Variants in HMCN1 observed in about 807,000 individuals in gnomAD.
The protein encoded by HMCN1 is hemicentin-1.
A neutral mutation model predicts 625.9 loss-of-function variants in HMCN1; 321 were observed. The observed-to-expected ratio is 0.51, with a 90% CI of 0.47 to 0.56. HMCN1 has a LOEUF of 0.56. Ranked by LOEUF, HMCN1 falls within the 20% of genes least tolerant of loss-of-function variation. The probability of loss-of-function intolerance (pLI) is 0.00; values close to 1 mark genes in which losing one functional copy is unlikely to be tolerated. For synonymous variants in HMCN1, 2,425 were observed against 2,417.6 expected, an observed-to-expected ratio of 1.00 and a Z score of -0.09; for missense variants, 6,588 against 6,887.3, an observed-to-expected ratio of 0.96 and a Z score of 1.54.
intron 93 of HMCN1, among the ~76,000 whole-genome samples, chr1:186,150,930 C>CTGAT (rs1175508873): frequency 1.3e-5 from 2 of 151,898 alleles, no homozygotes; most frequent in Non-Finnish European, 2.9e-5. Context: ...GGACTGGACA[C>CTGAT]TGATTGTATT....
At chr1:186,022,998 A>G (rs770789040) in intron 35 of HMCN1, 32 bp from the exon 36 acceptor site, 2 of 1,609,846 alleles carry the variant, frequency 1.2e-6, no homozygotes, top group Non-Finnish European at 1.7e-6. Context: ...TATAAGATAC[A>G]AAAATCCTCT....
intron 36 of HMCN1, among the ~76,000 whole-genome samples, chr1:186,035,069 T>C (rs1014966152): frequency 6.6e-6 from 1 of 152,204 alleles, no homozygotes; most frequent in Non-Finnish European, 1.5e-5. Context: ...AAAGCTGTTT[T>C]GTAGGAATGT....
At chr1:186,092,258 A>ATG (rs1223636761) in intron 64 of HMCN1, among the ~76,000 whole-genome samples, 1 of 151,896 alleles carries the variant, frequency 6.6e-6, no homozygotes, top group African/African-American at 2.4e-5. Flanking sequence ...TCCAAAGTCA[A>ATG]TGTACTACCT....
intron 1 of HMCN1, among the ~76,000 whole-genome samples, chr1:185,784,768 G>A (rs955057265): frequency 6.6e-6 from 1 of 151,964 alleles, no homozygotes; most frequent in Non-Finnish European, 1.5e-5. Flanking sequence ...ACTAATCATG[G>A]TATCAATTAC....
chr1:186,087,520 G>A lies in HMCN1; in HGVS notation c.9238G>A (p.Glu3080Lys), dbSNP rs763388392. The change falls in exon 60 of 107, where the codon GAG becomes AAG. Residue 3080 changes from glutamate (E) to lysine (K), a missense_variant. Glu to Lys is a moderately conservative substitution (Grantham distance 56, BLOSUM62 1). Coordinates refer to ENST00000271588, the MANE Select transcript of HMCN1 (RefSeq NM_031935.3). ...NVREGTSVSL[E>K]CESNAVPPPV... ...AAGAGAGGGAACTTCTGTGTCTTTGGAGTGTGAGTCGAACGCTGTGCCACC... is the reference window on the plus strand; with the variant it reads ...AAGAGAGGGAACTTCTGTGTCTTTGAAGTGTGAGTCGAACGCTGTGCCACC... 6.2e-7 allele frequency: 1 copy of A among 1,613,358 alleles called. No individual in the cohort carries two copies. Among genetic ancestry groups the A allele is most frequent in the South Asian group, 1.1e-5 (1 of 91,060 alleles).
chr1:185,972,040 T>C (rs1031867364), intron 15 of HMCN1, among the ~76,000 whole-genome samples: 1 of 152,100 alleles, frequency 6.6e-6, no homozygotes, highest in Non-Finnish European at 1.5e-5. Context: ...ATAAAGAGGG[T>C]CACTACATAG....
chr1:185,769,596 T>A (rs1007364070), intron 1 of HMCN1, among the ~76,000 whole-genome samples: 7 of 152,206 alleles, frequency 4.6e-5, no homozygotes, highest in African/African-American at 1.7e-4. Context: ...ACTATATTAG[T>A]TAGCTTTTGC....
At chr1:185,798,309 A>G (rs564396387) in intron 1 of HMCN1, among the ~76,000 whole-genome samples, 1 of 152,260 alleles carries the variant, frequency 6.6e-6, no homozygotes, top group Non-Finnish European at 1.5e-5. Context: ...AGGCAATTAG[A>G]TGCTTTTCTC....
At chr1:185,795,570 G>C (rs1258536942) in intron 1 of HMCN1, among the ~76,000 whole-genome samples, 1 of 152,172 alleles carries the variant, frequency 6.6e-6, no homozygotes, top group Non-Finnish European at 1.5e-5. Flanking sequence ...AATGTCCTGA[G>C]TGTGGGGATG....
intron 97 of HMCN1, among the ~76,000 whole-genome samples, chr1:186,159,765 G>A (rs1235103294): frequency 6.6e-6 from 1 of 152,194 alleles, no homozygotes; most frequent in Non-Finnish European, 1.5e-5. Context: ...TCCCAGGGAT[G>A]AAGCCCACTT....
At chr1:186,036,126 A>G (rs943949022) in intron 36 of HMCN1, among the ~76,000 whole-genome samples, 1 of 152,144 alleles carries the variant, frequency 6.6e-6, no homozygotes, top group Non-Finnish European at 1.5e-5. Flanking sequence ...TCAGAAATCG[A>G]TGTCAAATTA....
intron 1 of HMCN1, among the ~76,000 whole-genome samples, chr1:185,826,102 ATAAAG>A (rs143468272): frequency 0.041 from 6,278 of 152,092 alleles, 422 homozygotes; most frequent in African/African-American, 0.14. Context: ...GGCATATACA[ATAAAG>A]TAGTTTTATG....
chr1:186,133,580 T>C (rs1168289402), intron 86 of HMCN1, among the ~76,000 whole-genome samples: 1 of 152,218 alleles, frequency 6.6e-6, no homozygotes. Flanking sequence ...CAAGTCATTT[T>C]GTGACTAGGC....
At chr1:186,051,527 A>T (rs976613440) in intron 42 of HMCN1, among the ~76,000 whole-genome samples, 1 of 152,024 alleles carries the variant, frequency 6.6e-6, no homozygotes, top group African/African-American at 2.4e-5. Context: ...AATGGAAGCC[A>T]TGGGGGTAGA....
intron 1 of HMCN1, among the ~76,000 whole-genome samples, chr1:185,757,981 T>C (rs887140925): frequency 1.3e-5 from 2 of 152,232 alleles, no homozygotes; most frequent in Non-Finnish European, 2.9e-5. Flanking sequence ...TGTTCAATAA[T>C]TGGTTGAATT....
At chr1:185,970,664 C>CT (rs372725145) in intron 15 of HMCN1, among the ~76,000 whole-genome samples, 171 bp downstream of exon 15, 4,072 of 145,364 alleles carry the variant, frequency 0.028, 172 homozygotes, top group African/African-American at 0.093. Context: ...TGCTTTCTTT[C>CT]TTTTTTTTTT....
chr1:186,061,945 C>T lies in HMCN1; in HGVS notation c.7407C>T (p.Ile2469=), dbSNP rs940310147. Residue 2469 remains isoleucine (I), a synonymous_variant, in exon 47 of 107, where the codon ATC becomes ATT. Transcript: ENST00000271588. ...ATGCAGCTGGTGAAGAAAGAAAAAT[C>T]TTTGGGCTTTCAGTATTAGGTACTT... The part of the protein sequence containing the change: ...VRNAAGEERK[I]FGLSVLVPPH... 1 of 1,608,674 alleles carries T rather than the reference C, an allele frequency of 6.2e-7. No homozygotes were observed. The highest frequency in any genetic ancestry group is 2.2e-5 in the East Asian group (1 of 44,784).
At chr1:186,139,413 C>T (rs1649813019) in intron 89 of HMCN1, among the ~76,000 whole-genome samples, 1 of 152,086 alleles carries the variant, frequency 6.6e-6, no homozygotes, top group South Asian at 2.1e-4. Context: ...TTTAAAAGAG[C>T]AGGAAATACT....
chr1:185,823,316 T>C (rs1433592169), intron 1 of HMCN1, among the ~76,000 whole-genome samples: 2 of 152,176 alleles, frequency 1.3e-5, no homozygotes, highest in African/African-American at 2.4e-5. Context: ...AAATTTTAAA[T>C]ATTTATATGC....
Sources: gnomAD v4.1 joint callset for allele counts (sites outside exome capture counted in the v4.1 genomes callset) on GRCh38, gnomAD v4.1.1 for gene constraint, MANE v1.5 for transcripts, NCBI Gene and HGNC (gene_info 2026-07-23, HGNC 2026-07-21) for gene names.